The following EYS variants were observed in gnomAD, a reference collection of about 807,000 sequenced individuals.
The protein encoded by EYS is protein eyes shut homolog.
Under a neutral mutation model 282.1 loss-of-function variants are expected in EYS, and 250 were observed. The ratio of observed to expected loss-of-function variants is 0.89; its 90% CI spans 0.80 to 0.98. The LOEUF (loss-of-function observed/expected upper bound fraction) is 0.98. Ranked by LOEUF, EYS falls within the 50% of genes least tolerant of loss-of-function variation. The pLI, the probability that EYS is intolerant of heterozygous loss-of-function variation, is 0.00. For missense variants in EYS, 4,016 were observed against 3,709.0 expected (o/e 1.08, Z -2.15); for synonymous variants, 1,355 against 1,282.9 (o/e 1.06, Z -1.20).
intron 33 of EYS, among the ~76,000 whole-genome samples, chr6:64,025,155 T>C (rs1478014414): frequency 6.6e-6 from 1 of 152,096 alleles, no homozygotes; most frequent in African/African-American, 2.4e-5. Context: ...TAAAAGCAAC[T>C]AGTGCGGCTG....
At chr6:65,358,728 CATT>C (rs1474342250) in intron 8 of EYS, among the ~76,000 whole-genome samples, 1 of 151,544 alleles carries the variant, frequency 6.6e-6, no homozygotes, top group African/African-American at 2.4e-5. Flanking sequence ...AGACTAAACT[CATT>C]ATCAAATATA....
At chr6:64,786,188 A>ATTT (rs60974312) in intron 22 of EYS, among the ~76,000 whole-genome samples, 12 of 141,556 alleles carry the variant, frequency 8.5e-5, no homozygotes, top group Admixed American at 6.3e-4. Flanking sequence ...CTGGTTCTAC[A>ATTT]TTTTTTTTTT....
At chr6:64,374,186 T>C (rs1373836197) in intron 29 of EYS, among the ~76,000 whole-genome samples, 4 of 34,260 alleles carry the variant, frequency 1.2e-4, no homozygotes, top group Admixed American at 7.3e-4. Context: ...TGGCGGGGGG[T>C]ATGGGAGGGT....
At chr6:65,527,694 C>A (rs1452312210) in intron 2 of EYS, among the ~76,000 whole-genome samples, 3 of 152,174 alleles carry the variant, frequency 2.0e-5, no homozygotes, top group African/African-American at 7.2e-5. Flanking sequence ...TGCTATCACA[C>A]TGTTACTCAG....
chr6:64,807,931 T>G (rs897350282), intron 22 of EYS, among the ~76,000 whole-genome samples: 11 of 151,940 alleles, frequency 7.2e-5, no homozygotes, highest in African/African-American at 2.7e-4. Flanking sequence ...CATTTTACTA[T>G]CCAGAGTCAC....
rs1403272163 is a variant in EYS at position 64,661,098 on chromosome 6, C to T, written c.3444-34853G>A. ...AATAATGCCACATATCTACAACCAT[C>T]TGATCTTTGACAAACCTGACAAAAA... On this transcript the variant is annotated intron_variant, in intron 22 of 42. Coordinates refer to ENST00000503581, the MANE Select transcript of EYS (RefSeq NM_001142800.2). 2.6e-5 allele frequency among the ~76,000 whole-genome samples: 4 copies of T among 152,164 alleles called. No individual in the cohort carries two copies. In the East Asian group the frequency reaches 7.7e-4, roughly 29 times the overall value.
At chr6:64,397,056 T>C (rs1773403969) in intron 28 of EYS, among the ~76,000 whole-genome samples, 1 of 152,162 alleles carries the variant, frequency 6.6e-6, no homozygotes, top group Non-Finnish European at 1.5e-5. Flanking sequence ...ATATTTTGTA[T>C]AGTAAATTAC....
intron 31 of EYS, among the ~76,000 whole-genome samples, chr6:64,138,156 C>T (rs1774225414): frequency 6.6e-6 from 1 of 152,160 alleles, no homozygotes; most frequent in Non-Finnish European, 1.5e-5. Context: ...TGAAACAGAA[C>T]TTCAATTGTA....
chr6:64,399,147 A>G (rs913550142), intron 28 of EYS, among the ~76,000 whole-genome samples: 1 of 151,824 alleles, frequency 6.6e-6, no homozygotes, highest in Non-Finnish European at 1.5e-5. Flanking sequence ...TATAAATGAA[A>G]CACATTAAGA....
chr6:63,786,703 A>T (rs1038763150), intron 39 of EYS, among the ~76,000 whole-genome samples: 3 of 152,118 alleles, frequency 2.0e-5, no homozygotes, highest in Non-Finnish European at 4.4e-5. Flanking sequence ...AGTTAAAAAA[A>T]AAAAGAGATA....
intron 26 of EYS, among the ~76,000 whole-genome samples, chr6:64,536,636 C>T (rs908322532): frequency 6.6e-6 from 1 of 152,030 alleles, no homozygotes; most frequent in South Asian, 2.1e-4. Flanking sequence ...CATAGGGCTA[C>T]ATCCTACTTG....
At chr6:64,999,105 C>T (rs891436133) in intron 13 of EYS, among the ~76,000 whole-genome samples, 1 of 152,044 alleles carries the variant, frequency 6.6e-6, no homozygotes, top group Non-Finnish European at 1.5e-5. Flanking sequence ...TAGATTAATA[C>T]AGACAAGGAA....
intron 2 of EYS, among the ~76,000 whole-genome samples, chr6:65,529,776 T>G: frequency 6.6e-6 from 1 of 152,140 alleles, no homozygotes; most frequent in East Asian, 1.9e-4. Flanking sequence ...GATTAATGCC[T>G]TTATGAAAGA....
chr6:64,147,015 C>A (rs1442345118), intron 31 of EYS, among the ~76,000 whole-genome samples: 1 of 152,086 alleles, frequency 6.6e-6, no homozygotes, highest in Non-Finnish European at 1.5e-5. Context: ...TTGTCTGATG[C>A]CAAAGATCAT....
intron 19 of EYS, among the ~76,000 whole-genome samples, chr6:64,868,188 T>G (rs1169171497): frequency 2.0e-5 from 3 of 151,556 alleles, no homozygotes; most frequent in Non-Finnish European, 4.4e-5. Flanking sequence ...TATTTGTTTG[T>G]TTATTTTTAA....
At chr6:63,951,161 C>G (rs1310555519) in intron 35 of EYS, among the ~76,000 whole-genome samples, 1 of 152,074 alleles carries the variant, frequency 6.6e-6, no homozygotes. Flanking sequence ...CACCATTCCT[C>G]CTTCTTCTCC....
intron 22 of EYS, among the ~76,000 whole-genome samples, chr6:64,744,827 A>T (rs1457794283): frequency 6.6e-6 from 1 of 152,204 alleles, no homozygotes; most frequent in African/African-American, 2.4e-5. Flanking sequence ...TGCTAAAAAA[A>T]TAATATTTGA....
intron 35 of EYS, among the ~76,000 whole-genome samples, chr6:63,948,266 G>A (rs994034701): frequency 6.6e-6 from 1 of 152,194 alleles, no homozygotes; most frequent in African/African-American, 2.4e-5. Context: ...AGATGGATAT[G>A]CCTTTTTTCT....
intron 31 of EYS, among the ~76,000 whole-genome samples, chr6:64,156,895 TA>T (rs1306917550): frequency 2.0e-5 from 3 of 151,958 alleles, no homozygotes; most frequent in South Asian, 4.1e-4. Flanking sequence ...TTAATTAATT[TA>T]TTTTTTTATT....
Sources: gnomAD v4.1 joint callset for allele counts (sites outside exome capture counted in the v4.1 genomes callset) on GRCh38, gnomAD v4.1.1 for gene constraint, MANE v1.5 for transcripts, NCBI Gene and HGNC (gene_info 2026-07-23, HGNC 2026-07-21) for gene names.